DLG2: variants seen among roughly 807,000 people sequenced by gnomAD.
DLG2 encodes the protein disks large homolog 2.
A neutral mutation model predicts 132.5 loss-of-function variants in DLG2; 45 were observed. The ratio of observed to expected loss-of-function variants is 0.34; its 90% CI spans 0.27 to 0.44. The LOEUF (loss-of-function observed/expected upper bound fraction) is 0.44, where lower values mean the gene tolerates loss of function less well. Among genes scored for constraint, DLG2 ranks in the 20% least tolerant of loss-of-function variants. The pLI is 1.00. For synonymous variants in DLG2, 424 were observed against 419.6 expected, an observed-to-expected ratio of 1.01 and a Z score of -0.13; for missense variants, 1,045 against 1,196.9, an observed-to-expected ratio of 0.87 and a Z score of 1.87.
At chr11:83,489,848 T>C (rs2093737340) in intron 21 of DLG2, among the ~76,000 whole-genome samples, 1 of 151,878 alleles carries the variant, frequency 6.6e-6, no homozygotes. Context: ...AACACATGGA[T>C]GTTGTTGGGA....
intron 10 of DLG2, among the ~76,000 whole-genome samples, chr11:84,089,500 A>C (rs982589024): frequency 6.6e-6 from 1 of 152,190 alleles, no homozygotes. Flanking sequence ...AAATGAATTG[A>C]CAAAGGACAG....
intron 4 of DLG2, among the ~76,000 whole-genome samples, chr11:85,205,144 G>GTGTA: frequency 7.0e-6 from 1 of 142,842 alleles, no homozygotes; most frequent in East Asian, 2.0e-4. Flanking sequence ...ATATATGTGT[G>GTGTA]TGTATATATA....
intron 19 of DLG2, among the ~76,000 whole-genome samples, chr11:83,572,084 T>G (rs1297451588): frequency 1.3e-5 from 2 of 152,122 alleles, no homozygotes; most frequent in African/African-American, 4.8e-5. Context: ...ATGAGTGGGT[T>G]ATCTTTGGCT....
In DLG2 at chr11:83,942,196, A is replaced by G. The variant is rs867241480; in HGVS notation, c.1341-11713T>C. Among the ~76,000 whole-genome samples, 12 of 152,340 alleles carry G rather than the reference A, an allele frequency of 7.9e-5. 1 individual carries two copies. In the Middle Eastern group the frequency reaches 0.017, roughly 216 times the overall value. On this transcript the variant is annotated intron_variant, in intron 14 of 27. Coordinates refer to ENST00000376104, the MANE Select transcript of DLG2 (RefSeq NM_001142699.3). ...TAAGTAAATTTGATGACATAAAAAG[A>G]CAGCCACAAGATATTATTAAGTGAA...
At chr11:85,246,859 A>T (rs914812630) in intron 4 of DLG2, among the ~76,000 whole-genome samples, 8 of 152,134 alleles carry the variant, frequency 5.3e-5, no homozygotes, top group African/African-American at 1.9e-4. Context: ...TCACTAACAT[A>T]GTTATCCAAT....
At position 84,781,367 on chromosome 11, in the gene DLG2, C is replaced by T. The variant is rs960220998; in HGVS notation, c.358-246636G>A. ...AACTGAGAAGTTAGTTAAGGGTTTTCTGATTGCTTTTTGCTGTTATTTTAG... is the reference window on the plus strand; with the variant it reads ...AACTGAGAAGTTAGTTAAGGGTTTTTTGATTGCTTTTTGCTGTTATTTTAG... On this transcript the variant is annotated intron_variant, in intron 6 of 27. Transcript: ENST00000376104. 9.7e-4 allele frequency among the ~76,000 whole-genome samples: 147 copies of T among 152,070 alleles called. 3 individuals carry two copies. Among genetic ancestry groups the T allele is most frequent in the African/African-American group, 3.4e-3 (139 of 41,488 alleles).
rs116821941 is a variant in DLG2 at position 84,617,980 on chromosome 11, A to G, written c.358-83249T>C. Among the ~76,000 whole-genome samples the G allele has an allele frequency of 2.6e-3, 402 of 152,240 alleles. 3 individuals carry two copies. Among genetic ancestry groups the G allele is most frequent in the African/African-American group, 9.5e-3 (393 of 41,556 alleles). ...GTGTAGGTAGTTATGGGAATTTGAA[A>G]GAAGGGCACTTAAACCAGTCTTGGG... On this transcript the variant is annotated intron_variant, in intron 6 of 27. Transcript: ENST00000376104.
intron 3 of DLG2, among the ~76,000 whole-genome samples, chr11:85,539,559 T>G (rs1158846734): frequency 6.6e-6 from 1 of 152,162 alleles, no homozygotes; most frequent in Non-Finnish European, 1.5e-5. Flanking sequence ...ATGGAAATAT[T>G]CTGGAGCTAG....
At chr11:84,172,611 C>T (rs7127625) in intron 8 of DLG2, among the ~76,000 whole-genome samples, 6,522 of 151,688 alleles carry the variant, frequency 0.043, 460 homozygotes, top group African/African-American at 0.15. Context: ...GGTGCAATCT[C>T]GGCTCACTGC....
intron 18 of DLG2, among the ~76,000 whole-genome samples, chr11:83,773,818 G>A (rs1189341480): frequency 6.6e-6 from 1 of 152,178 alleles, no homozygotes; most frequent in Non-Finnish European, 1.5e-5. Context: ...CTTCGGACAC[G>A]GCTGTGAGCA....
At chr11:84,271,508 T>A (rs569184783) in intron 7 of DLG2, among the ~76,000 whole-genome samples, 1 of 152,166 alleles carries the variant, frequency 6.6e-6, no homozygotes, top group Non-Finnish European at 1.5e-5. Flanking sequence ...TGGACTTTAA[T>A]AGAAATAATT....
At chr11:83,867,086 A>C (rs1003709495) in intron 16 of DLG2, among the ~76,000 whole-genome samples, 11 of 152,142 alleles carry the variant, frequency 7.2e-5, no homozygotes, top group African/African-American at 2.7e-4. Flanking sequence ...TTAACAAAAA[A>C]CTCCAAAACC....
chr11:83,932,704 A>ATT (rs35400863), intron 14 of DLG2, among the ~76,000 whole-genome samples: 1 of 148,048 alleles, frequency 6.8e-6, no homozygotes, highest in African/African-American at 2.5e-5. Context: ...TGAATAGATA[A>ATT]TTTTTTTTTT....
chr11:84,018,714 T>C (rs1445263038), intron 11 of DLG2, among the ~76,000 whole-genome samples: 1 of 151,954 alleles, frequency 6.6e-6, no homozygotes, highest in Non-Finnish European at 1.5e-5. Flanking sequence ...ATTATGGGTA[T>C]ACATTAGAGA....
At chr11:84,827,675 T>TAAAAAAA (rs1419837651) in intron 6 of DLG2, among the ~76,000 whole-genome samples, 1 of 3,580 alleles carries the variant, frequency 2.8e-4, no homozygotes, top group Non-Finnish European at 6.3e-4. Flanking sequence ...GTACATACAG[T>TAAAAAAA]CAAAAAAAAA....
intron 18 of DLG2, among the ~76,000 whole-genome samples, chr11:83,705,536 C>T (rs569939971): frequency 1.1e-4 from 17 of 152,082 alleles, no homozygotes; most frequent in African/African-American, 4.1e-4. Context: ...TTATGAAGAT[C>T]TGTTATTGTG....
intron 5 of DLG2, among the ~76,000 whole-genome samples, chr11:85,147,350 G>A (rs1418778988): frequency 2.6e-5 from 4 of 152,054 alleles, no homozygotes; most frequent in Non-Finnish European, 5.9e-5. Context: ...AGCGTGAAGT[G>A]GTTTCTCATT....
At chr11:83,508,431 A>C (rs985871846) in intron 21 of DLG2, among the ~76,000 whole-genome samples, 8 of 34,794 alleles carry the variant, frequency 2.3e-4, no homozygotes, top group Non-Finnish European at 4.5e-4. Flanking sequence ...TTTTTAGTAG[A>C]GATGGGGTTT....
At chr11:85,371,679 A>C (rs1277374731) in intron 3 of DLG2, among the ~76,000 whole-genome samples, 2 of 152,226 alleles carry the variant, frequency 1.3e-5, no homozygotes, top group East Asian at 3.9e-4. Flanking sequence ...ACCTGTGGTC[A>C]GTAAAGAATG....
Sources: allele counts gnomAD v4.1 joint callset (sites outside exome capture counted in the v4.1 genomes callset), GRCh38; gene constraint gnomAD v4.1.1; transcripts MANE v1.5; gene names NCBI Gene and HGNC (gene_info 2026-07-23, HGNC 2026-07-21).